Variants in TIAM1 observed in about 807,000 individuals in gnomAD.
The protein encoded by TIAM1 is TIAM Rac1 associated GEF 1, also known as rho guanine nucleotide exchange factor TIAM1.
TIAM1 carries 65 observed loss-of-function variants against 163.5 expected under a neutral mutation model. The ratio of observed to expected loss-of-function variants is 0.40; its 90% confidence interval spans 0.33 to 0.49. TIAM1 has a LOEUF of 0.49. Among genes scored for constraint, TIAM1 ranks in the 20% least tolerant of loss-of-function variants. The pLI is 0.77. For missense variants in TIAM1, 1,789 were observed against 2,044.7 expected (o/e 0.87, Z 2.41); for synonymous variants, 833 against 810.1 (o/e 1.03, Z -0.48).
chr21:31,309,026 T>C (rs2074823828), intron 2 of TIAM1, among the ~76,000 whole-genome samples: 2 of 95,046 alleles, frequency 2.1e-5, no homozygotes, highest in South Asian at 7.8e-4. Flanking sequence ...ACAAGCTCAA[T>C]GACCTCCACC....
intron 2 of TIAM1, among the ~76,000 whole-genome samples, chr21:31,298,947 G>C (rs554200485): frequency 2.6e-5 from 4 of 152,052 alleles, no homozygotes; most frequent in Non-Finnish European, 5.9e-5. Context: ...ATATCACTCC[G>C]TGTTAAATAA....
intron 2 of TIAM1, among the ~76,000 whole-genome samples, chr21:31,305,153 G>A (rs2074651797): frequency 6.6e-6 from 1 of 152,150 alleles, no homozygotes; most frequent in Non-Finnish European, 1.5e-5. Context: ...TGTGCAACTA[G>A]AAGTGTTCAT....
At chr21:31,315,429 G>A (rs1415382839) in intron 2 of TIAM1, among the ~76,000 whole-genome samples, 1 of 151,370 alleles carries the variant, frequency 6.6e-6, no homozygotes, top group Non-Finnish European at 1.5e-5. Context: ...GCAGGAGAAT[G>A]GCGTGAACCC....
chr21:31,189,072 T>G (rs13051003), intron 13 of TIAM1, among the ~76,000 whole-genome samples: 133 of 129,080 alleles, frequency 1.0e-3, no homozygotes, highest in African/African-American at 4.2e-3. Context: ...TTTTTTTTTT[T>G]GAGATGGAGT....
chr21:31,137,486 A>C (rs929030223), intron 22 of TIAM1, among the ~76,000 whole-genome samples: 1 of 152,102 alleles, frequency 6.6e-6, no homozygotes, highest in African/African-American at 2.4e-5. Flanking sequence ...CTATCCCCCG[A>C]AGACCCACAT....
intron 1 of TIAM1, among the ~76,000 whole-genome samples, chr21:31,491,099 C>A (rs950151621): frequency 6.6e-6 from 1 of 152,028 alleles, no homozygotes; most frequent in Non-Finnish European, 1.5e-5. Context: ...CCACTGCGCT[C>A]CAACCTGGCT....
chr21:31,316,779 G>A (rs1166996140), intron 2 of TIAM1, among the ~76,000 whole-genome samples: 2 of 152,154 alleles, frequency 1.3e-5, no homozygotes, highest in Non-Finnish European at 2.9e-5. Context: ...CACATGCCTA[G>A]ATAAAACCCT....
intron 5 of TIAM1, among the ~76,000 whole-genome samples, chr21:31,247,959 G>C (rs919790254): frequency 5.3e-5 from 8 of 152,144 alleles, no homozygotes; most frequent in Admixed American, 2.0e-4. Context: ...TTATGATGGG[G>C]CAAACTTGGC....
intron 8 of TIAM1, 29 bp from the exon 9 acceptor site, chr21:31,217,728 A>G: frequency 2.5e-6 from 4 of 1,609,732 alleles, no homozygotes; most frequent in Non-Finnish European, 3.4e-6. Context: ...AGCAGCCACA[A>G]GGGAGATGCA....
At chr21:31,289,461 C>A (rs1465952644) in intron 2 of TIAM1, among the ~76,000 whole-genome samples, 6 of 152,120 alleles carry the variant, frequency 3.9e-5, no homozygotes, top group Admixed American at 3.3e-4. Context: ...TTTTTCTCTA[C>A]TGGGTATTCT....
chr21:31,350,054 C>T (rs1047406367), intron 2 of TIAM1, among the ~76,000 whole-genome samples: 2 of 152,176 alleles, frequency 1.3e-5, no homozygotes, highest in Admixed American at 6.5e-5. Flanking sequence ...TTCACATTGA[C>T]GGTGCTATTT....
chr21:31,318,309 T>C (rs946576212), intron 2 of TIAM1, among the ~76,000 whole-genome samples: 7 of 152,222 alleles, frequency 4.6e-5, no homozygotes, highest in African/African-American at 1.7e-4. Flanking sequence ...TTCACCATGT[T>C]GGCCACGCTG....
intron 2 of TIAM1, among the ~76,000 whole-genome samples, chr21:31,312,700 T>C (rs2074976230): frequency 6.6e-6 from 1 of 152,152 alleles, no homozygotes. Flanking sequence ...AGGTCAACTA[T>C]ATGGCCCAAG....
At chr21:31,225,656 CA>C (rs11373053) in intron 7 of TIAM1, 69 bp downstream of exon 7, 166,480 of 1,009,038 alleles carry the variant, frequency 0.16, 3 homozygotes, top group South Asian at 0.2. Flanking sequence ...TCCAAAACAG[CA>C]AAAAAAAAAA....
chr21:31,255,343 G>A (rs2072038920), intron 4 of TIAM1, among the ~76,000 whole-genome samples: 1 of 152,164 alleles, frequency 6.6e-6, no homozygotes, highest in Non-Finnish European at 1.5e-5. Flanking sequence ...CCCAGCCCCA[G>A]CCCTTATTCA....
intron 11 of TIAM1, 146 bp from the exon 12 acceptor site, chr21:31,203,158 T>C (rs2086287793): frequency 1.4e-6 from 1 of 717,196 alleles, no homozygotes; most frequent in East Asian, 2.8e-5. Flanking sequence ...GTTTCACTCT[T>C]GTTGCCCAGC....
chr21:31,483,319 C>T (rs1356267145), intron 1 of TIAM1, among the ~76,000 whole-genome samples: 4 of 152,136 alleles, frequency 2.6e-5, no homozygotes, highest in African/African-American at 4.8e-5. Context: ...CGCTTCAACC[C>T]GAGATTCAGT....
At chr21:31,138,651 C>T (rs1573272) in intron 22 of TIAM1, among the ~76,000 whole-genome samples, 116,962 of 152,206 alleles carry the variant, frequency 0.77, 45,951 homozygotes, top group African/African-American at 0.94. Context: ...GATCTTGGCA[C>T]AGACCATCCT....
intron 4 of TIAM1, among the ~76,000 whole-genome samples, chr21:31,259,003 C>T (rs2072288865): frequency 6.6e-6 from 1 of 152,018 alleles, no homozygotes; most frequent in African/African-American, 2.4e-5. Flanking sequence ...GGCTTTATGG[C>T]CACATCCAAC....
Sources: gnomAD v4.1 joint callset for allele counts (sites outside exome capture counted in the v4.1 genomes callset) on GRCh38, gnomAD v4.1.1 for gene constraint, MANE v1.5 for transcripts, NCBI Gene and HGNC (gene_info 2026-07-23, HGNC 2026-07-21) for gene names.